SPON1: variants seen among roughly 807,000 people sequenced by gnomAD.
SPON1 encodes the protein spondin 1.
A neutral mutation model predicts 111.7 loss-of-function variants in SPON1; 52 were observed. That is an observed-to-expected ratio of 0.47 (90% CI 0.37 to 0.59). SPON1 has a LOEUF of 0.59. Among genes scored for constraint, SPON1 ranks in the 20% least tolerant of loss-of-function variants. The pLI, the probability that SPON1 is intolerant of heterozygous loss-of-function variation, is 0.00. For synonymous variants in SPON1, 410 were observed against 395.8 expected, an observed-to-expected ratio of 1.04 and a Z score of -0.43; for missense variants, 957 against 1,068.5, an observed-to-expected ratio of 0.90 and a Z score of 1.46.
intron 5 of SPON1, among the ~76,000 whole-genome samples, chr11:14,119,391 C>T (rs978279965): frequency 6.6e-6 from 1 of 152,156 alleles, no homozygotes; most frequent in African/African-American, 2.4e-5. Context: ...GAATTGTCCA[C>T]TTTCCAGAAT....
At chr11:14,104,056 AC>A (rs1217614786) in intron 5 of SPON1, among the ~76,000 whole-genome samples, 1 of 152,002 alleles carries the variant, frequency 6.6e-6, no homozygotes, top group Non-Finnish European at 1.5e-5. Context: ...CCATAATTCT[AC>A]CTTGTCTGAA....
At chr11:14,118,057 A>G (rs1554926158) in intron 5 of SPON1, among the ~76,000 whole-genome samples, 1 of 152,222 alleles carries the variant, frequency 6.6e-6, no homozygotes, top group African/African-American at 2.4e-5. Flanking sequence ...CTTAGCCATC[A>G]GAGTTAAGAT....
intron 6 of SPON1, among the ~76,000 whole-genome samples, chr11:14,202,767 C>T (rs1179184982): frequency 6.6e-6 from 1 of 152,130 alleles, no homozygotes; most frequent in East Asian, 1.9e-4. Context: ...AATTATTTTA[C>T]TCACTCAACT....
At chr11:14,147,076 C>CTGGAGTGCAGTGGTGCGATCT (rs2133866392) in intron 6 of SPON1, among the ~76,000 whole-genome samples, 1 of 112,096 alleles carries the variant, frequency 8.9e-6, no homozygotes, top group African/African-American at 3.5e-5. Flanking sequence ...GTTGCCCAGG[C>CTGGAGTGCAGTGGTGCGATCT]TGGAGTGCAG....
chr11:14,015,587 C>T (rs1483774309), intron 2 of SPON1, among the ~76,000 whole-genome samples: 1 of 152,166 alleles, frequency 6.6e-6, no homozygotes, highest in Non-Finnish European at 1.5e-5. Flanking sequence ...GATGGTTTCC[C>T]AGAAACATAA....
At chr11:14,080,654 G>C (rs1224074788) in intron 5 of SPON1, among the ~76,000 whole-genome samples, 1 of 152,202 alleles carries the variant, frequency 6.6e-6, no homozygotes, top group Non-Finnish European at 1.5e-5. Flanking sequence ...TTCCATGACA[G>C]ACCTGCTGGA....
At chr11:14,128,333 TG>T (rs1285812350) in intron 5 of SPON1, among the ~76,000 whole-genome samples, 5 of 152,166 alleles carry the variant, frequency 3.3e-5, no homozygotes, top group Non-Finnish European at 7.4e-5. Context: ...CCATTCCAAA[TG>T]GGAGAAATTG....
intron 5 of SPON1, among the ~76,000 whole-genome samples, chr11:14,096,981 C>A (rs555894003): frequency 6.6e-6 from 1 of 152,254 alleles, no homozygotes; most frequent in South Asian, 2.1e-4. Context: ...GATTATACAT[C>A]CCCACTGTAC....
intron 6 of SPON1, among the ~76,000 whole-genome samples, chr11:14,237,949 G>A (rs1425908910): frequency 1.4e-4 from 21 of 152,210 alleles, no homozygotes; most frequent in Admixed American, 7.9e-4. Context: ...TGGTGGCAAC[G>A]GGTGTGGCCT....
At chr11:14,056,732 T>C (rs1554919218) in intron 3 of SPON1, among the ~76,000 whole-genome samples, 1 of 151,806 alleles carries the variant, frequency 6.6e-6, no homozygotes, top group African/African-American at 2.4e-5. Flanking sequence ...TACTTAAAAA[T>C]ACAAAAAAAT....
At chr11:14,098,693 T>C (rs1849121319) in intron 5 of SPON1, among the ~76,000 whole-genome samples, 1 of 148,772 alleles carries the variant, frequency 6.7e-6, no homozygotes. Context: ...AGAGAGAGAA[T>C]AGGAGGGGAA....
Position 14,108,873 on chromosome 11 carries a change from C to G in SPON1, c.677-26547C>G, listed in dbSNP as rs142912319. Among the ~76,000 whole-genome samples the G allele has an allele frequency of 1.1e-4, 16 of 152,166 alleles. 1 individual carries two copies. In the East Asian group the frequency reaches 3.1e-3, roughly 29 times the overall value. ...TTTCTCTTCCCCTCTTTGCCTACCA[C>G]CCAACCCCCAGGAGCACATAAGCAA... On this transcript the variant is annotated intron_variant, in intron 5 of 15. Coordinates refer to ENST00000576479, the MANE Select transcript of SPON1 (RefSeq NM_006108.4).
intron 2 of SPON1, among the ~76,000 whole-genome samples, chr11:14,005,792 T>G (rs1848355006): frequency 6.6e-6 from 1 of 152,204 alleles, no homozygotes; most frequent in South Asian, 2.1e-4. Flanking sequence ...GCTTCTGGAC[T>G]TAGGGTCATT....
chr11:14,212,971 G>A (rs118017933), intron 6 of SPON1, among the ~76,000 whole-genome samples: 1,946 of 152,304 alleles, frequency 0.013, 16 homozygotes, highest in Middle Eastern at 0.031. Context: ...ATGTGGAAGT[G>A]TAGTCCTTAT....
intron 3 of SPON1, among the ~76,000 whole-genome samples, chr11:14,046,970 A>G (rs1205691159): frequency 2.0e-5 from 3 of 151,760 alleles, no homozygotes; most frequent in African/African-American, 4.8e-5. Context: ...TGTGAATGGG[A>G]TCTTTGTCTT....
intron 6 of SPON1, among the ~76,000 whole-genome samples, chr11:14,178,045 A>AACACACACACAC (rs5789825): frequency 0.05 from 7,142 of 142,600 alleles, 267 homozygotes; most frequent in African/African-American, 0.079. Flanking sequence ...CACACACACA[A>AACACACACACAC]ACACACACAC....
chr11:14,214,011 T>A (rs1848602395), intron 6 of SPON1, among the ~76,000 whole-genome samples: 1 of 152,190 alleles, frequency 6.6e-6, no homozygotes, highest in Non-Finnish European at 1.5e-5. Flanking sequence ...TCACCTATGG[T>A]TACTTTCCTA....
intron 1 of SPON1, among the ~76,000 whole-genome samples, chr11:13,965,495 G>A (rs1554907955): frequency 6.6e-6 from 1 of 152,172 alleles, no homozygotes; most frequent in Non-Finnish European, 1.5e-5. Context: ...AACGTCCAGG[G>A]CCAGCAGGTG....
intron 2 of SPON1, among the ~76,000 whole-genome samples, chr11:14,011,408 T>C (rs560833259): frequency 7.2e-5 from 11 of 152,092 alleles, no homozygotes; most frequent in Non-Finnish European, 1.3e-4. Flanking sequence ...AAAAATGCAC[T>C]CACACACACA....
Sources: gnomAD v4.1 joint callset for allele counts (sites outside exome capture counted in the v4.1 genomes callset) on GRCh38, gnomAD v4.1.1 for gene constraint, MANE v1.5 for transcripts, NCBI Gene and HGNC (gene_info 2026-07-23, HGNC 2026-07-21) for gene names.